ATE1: variants seen among roughly 807,000 people sequenced by gnomAD.
The protein encoded by ATE1 is arginyl-tRNA--protein transferase 1.
Under a neutral mutation model 70.5 loss-of-function variants are expected in ATE1, and 36 were observed. The observed-to-expected ratio is 0.51, with a 90% CI of 0.39 to 0.67. The LOEUF (loss-of-function observed/expected upper bound fraction) is 0.67. ATE1 is among the 30% of genes least tolerant of loss of function. The pLI, the probability that ATE1 is intolerant of heterozygous loss-of-function variation, is 0.00. For synonymous variants in ATE1, 232 were observed against 219.3 expected, an observed-to-expected ratio of 1.06 and a Z score of -0.51; for missense variants, 593 against 629.5, an observed-to-expected ratio of 0.94 and a Z score of 0.62.
chr10:121,800,643 T>G (rs1946841489), intron 10 of ATE1, among the ~76,000 whole-genome samples: 1 of 152,088 alleles, frequency 6.6e-6, no homozygotes, highest in South Asian at 2.1e-4. Context: ...ACACAGCCAC[T>G]GAACATTAGT....
chr10:121,790,401 A>C (rs1401392235), intron 10 of ATE1, 112 bp from the exon 11 acceptor site: 1 of 1,354,676 alleles, frequency 7.4e-7, no homozygotes, highest in Non-Finnish European at 9.8e-7. Flanking sequence ...AGTCAACCAG[A>C]AACTGTTTTA....
At chr10:121,900,140 GT>G (rs1950923615) in intron 6 of ATE1, 146 bp from the exon 7 acceptor site, 4 of 861,308 alleles carry the variant, frequency 4.6e-6, no homozygotes, top group Non-Finnish European at 6.7e-6. Context: ...AAACCAACCA[GT>G]TAGTAAATAA....
intron 10 of ATE1, among the ~76,000 whole-genome samples, chr10:121,798,564 T>C (rs180975528): frequency 1.8e-3 from 281 of 152,312 alleles, no homozygotes; most frequent in Non-Finnish European, 3.1e-3. Context: ...TCATAATAAT[T>C]CTGCACATTG....
intron 1 of ATE1, chr10:121,927,584 A>C (rs1952148428): frequency 1.0e-6 from 1 of 976,116 alleles, no homozygotes; most frequent in African/African-American, 1.8e-5. Flanking sequence ...AATCTACCCC[A>C]GACGGGCGTC....
At chr10:121,927,389 C>A in intron 1 of ATE1, 1 of 984,134 alleles carries the variant, frequency 1.0e-6, no homozygotes, top group Non-Finnish European at 1.2e-6. Context: ...CCTTCCTGTA[C>A]ATTCGTCCAG....
At chr10:121,746,825 G>A (rs1944392011) in intron 11 of ATE1, among the ~76,000 whole-genome samples, 1 of 151,912 alleles carries the variant, frequency 6.6e-6, no homozygotes, top group African/African-American at 2.4e-5. Context: ...AAATTAATCA[G>A]GAGAAATCAT....
At chr10:121,795,273 T>A (rs555665330) in intron 10 of ATE1, among the ~76,000 whole-genome samples, 2 of 152,128 alleles carry the variant, frequency 1.3e-5, no homozygotes, top group South Asian at 2.1e-4. Flanking sequence ...AAAAATTTTT[T>A]AAAAAAAGAA....
intron 4 of ATE1, among the ~76,000 whole-genome samples, chr10:121,912,188 C>G (rs903899737): frequency 6.6e-6 from 1 of 152,050 alleles, no homozygotes; most frequent in African/African-American, 2.4e-5. Flanking sequence ...CCACACCCGG[C>G]CCCGAAAGAA....
At chr10:121,919,386 C>T (rs901160430) in intron 3 of ATE1, among the ~76,000 whole-genome samples, 1 of 151,980 alleles carries the variant, frequency 6.6e-6, no homozygotes, top group Admixed American at 6.6e-5. Context: ...TGGTGAAACC[C>T]ATCTCTACTA....
At chr10:121,907,260 G>C (rs909880224) in intron 5 of ATE1, among the ~76,000 whole-genome samples, 1 of 151,734 alleles carries the variant, frequency 6.6e-6, no homozygotes, top group Non-Finnish European at 1.5e-5. Context: ...TTCGAGACCA[G>C]CCTGGCCAAC....
At chr10:121,763,199 G>A (rs1208705436) in intron 11 of ATE1, among the ~76,000 whole-genome samples, 1 of 152,126 alleles carries the variant, frequency 6.6e-6, no homozygotes, top group Non-Finnish European at 1.5e-5. Context: ...CCAAAGTGGA[G>A]ACTTATTATC....
chr10:121,849,204 TC>T (rs1424941024), intron 8 of ATE1, among the ~76,000 whole-genome samples: 1 of 82,664 alleles, frequency 1.2e-5, no homozygotes, highest in East Asian at 4.2e-4. Flanking sequence ...GGATCAAAAC[TC>T]CATCTCAAAA....
intron 8 of ATE1, among the ~76,000 whole-genome samples, chr10:121,845,330 A>G (rs1313842524): frequency 6.6e-6 from 1 of 152,216 alleles, no homozygotes; most frequent in African/African-American, 2.4e-5. Flanking sequence ...TCTATATGAT[A>G]TTGCAGCAAT....
chr10:121,778,305 A>G (rs908084934), intron 11 of ATE1, among the ~76,000 whole-genome samples: 1 of 152,230 alleles, frequency 6.6e-6, no homozygotes, highest in African/African-American at 2.4e-5. Flanking sequence ...TTGAAACAGA[A>G]TAACAAAAAA....
intron 7 of ATE1, among the ~76,000 whole-genome samples, chr10:121,890,807 T>G (rs544309815): frequency 9.1e-4 from 138 of 152,338 alleles, no homozygotes; most frequent in African/African-American, 3.2e-3. Flanking sequence ...AAGTTAGCTT[T>G]ATACTGTATT....
At chr10:121,857,860 G>A (rs943682277) in intron 8 of ATE1, among the ~76,000 whole-genome samples, 21 of 152,136 alleles carry the variant, frequency 1.4e-4, no homozygotes, top group Admixed American at 3.9e-4. Flanking sequence ...TCTCCTCTCC[G>A]CTGCCCCTGG....
chr10:121,825,884 T>C (rs4539250), intron 10 of ATE1, among the ~76,000 whole-genome samples: 5,958 of 152,256 alleles, frequency 0.039, 173 homozygotes, highest in Middle Eastern at 0.1. Flanking sequence ...CCTGTGTCCA[T>C]AGCAGCATTA....
At chr10:121,923,405 C>G (rs1590741247) in intron 2 of ATE1, among the ~76,000 whole-genome samples, 2 of 152,118 alleles carry the variant, frequency 1.3e-5, no homozygotes, top group East Asian at 3.9e-4. Context: ...TTTGGGGTTA[C>G]AGTGAGCTAT....
intron 10 of ATE1, among the ~76,000 whole-genome samples, chr10:121,790,809 T>C (rs1946401489): frequency 1.3e-5 from 2 of 152,178 alleles, no homozygotes; most frequent in Admixed American, 6.5e-5. Context: ...AATATACTTC[T>C]ATAAGCAATC....
Sources: gnomAD v4.1 joint callset for allele counts (sites outside exome capture counted in the v4.1 genomes callset) on GRCh38, gnomAD v4.1.1 for gene constraint, MANE v1.5 for transcripts, NCBI Gene and HGNC (gene_info 2026-07-23, HGNC 2026-07-21) for gene names.